The following PKHD1 variants were observed in gnomAD, a reference collection of about 807,000 sequenced individuals.
PKHD1 encodes PKHD1 ciliary IPT domain containing fibrocystin/polyductin, also known as fibrocystin.
In PKHD1, 291 loss-of-function variants were observed where a neutral mutation model predicts 412.0. That is an observed-to-expected ratio of 0.71 (90% CI 0.64 to 0.78). The LOEUF is 0.78. Ranked by LOEUF, PKHD1 falls within the 30% of genes least tolerant of loss-of-function variation. PKHD1 has a pLI of 0.00. For synonymous variants in PKHD1, 1,777 were observed against 1,821.5 expected, an observed-to-expected ratio of 0.98 and a Z score of 0.62; for missense variants, 4,825 against 4,950.7, an observed-to-expected ratio of 0.97 and a Z score of 0.76.
chr6:52,076,062 G>T (rs1035686524), intron 6 of PKHD1, among the ~76,000 whole-genome samples: 1 of 151,986 alleles, frequency 6.6e-6, no homozygotes, highest in African/African-American at 2.4e-5. Context: ...TTCATGTTTG[G>T]ATTCCTTTTG....
At chr6:52,076,166 T>C (rs929746413) in intron 6 of PKHD1, 110 bp downstream of exon 6, 1 of 766,822 alleles carries the variant, frequency 1.3e-6, no homozygotes, top group East Asian at 2.6e-5. Flanking sequence ...CAAAACAGCA[T>C]CAAAGAAGAA....
chr6:51,746,811 CT>C lies in PKHD1; in HGVS notation c.9907del (p.Ser3303ValfsTer7), dbSNP rs1785247939. On this transcript the variant is annotated frameshift_variant, in exon 59 of 67. Transcript: ENST00000371117. LOFTEE classifies it high-confidence loss of function. The stretch of plus-strand genomic sequence containing the variant: ...TGCTGTTATTGGGTGCATAATTCCA[CT>C]GTTCTCTGCATTTGGTAGAATGCAG... ...DVCILPNAEN[S>X]GIMHPITAER... 1 of 1,610,050 alleles carries C rather than the reference CT, an allele frequency of 6.2e-7. No homozygotes were observed. Among genetic ancestry groups the C allele is most frequent in the African/African-American group, 1.3e-5 (1 of 74,848 alleles).
intron 34 of PKHD1, among the ~76,000 whole-genome samples, chr6:52,013,625 A>T (rs1216023320): frequency 1.3e-5 from 2 of 152,138 alleles, no homozygotes; most frequent in Non-Finnish European, 2.9e-5. Flanking sequence ...CAGAGAGATC[A>T]ATATATGTAC....
intron 50 of PKHD1, among the ~76,000 whole-genome samples, chr6:51,842,488 T>A (rs1355609005): frequency 6.6e-6 from 1 of 152,198 alleles, no homozygotes; most frequent in Non-Finnish European, 1.5e-5. Flanking sequence ...AAGAAGGCTG[T>A]GTGCGAGCAG....
In PKHD1 at chr6:52,054,832, C is replaced by T. The variant is rs144535798; in HGVS notation, c.1837-667G>A. Among the ~76,000 whole-genome samples the T allele has an allele frequency of 4.9e-3, 751 of 152,236 alleles. 5 individuals carry two copies. Among genetic ancestry groups the T allele is most frequent in the Middle Eastern group, 0.034 (10 of 294 alleles). ...GGGGGGCAAAATCACCTCCACTGGG[C>T]GCCCCTGCAGAAGAGATGAGGCTGA... On this transcript the variant is annotated intron_variant, in intron 19 of 66. Coordinates refer to ENST00000371117, the MANE Select transcript of PKHD1 (RefSeq NM_138694.4).
intron 54 of PKHD1, among the ~76,000 whole-genome samples, chr6:51,773,803 T>A (rs9370052): frequency 0.66 from 84,492 of 128,758 alleles, 24,917 homozygotes; most frequent in East Asian, 0.85. Context: ...AAAAAAAAAA[T>A]AATCCCAATT....
chr6:51,966,125 T>G (rs906586137), intron 35 of PKHD1, among the ~76,000 whole-genome samples: 2 of 152,158 alleles, frequency 1.3e-5, no homozygotes, highest in African/African-American at 4.8e-5. Context: ...TTAGAAAGTT[T>G]ATTTTGCCAA....
chr6:51,805,606 A>C (rs2151357293), intron 52 of PKHD1, among the ~76,000 whole-genome samples: 1 of 152,304 alleles, frequency 6.6e-6, no homozygotes, highest in Middle Eastern at 3.4e-3. Flanking sequence ...TGGAGGAGAG[A>C]GGTAAGAGGC....
At chr6:51,827,300 C>A (rs1767471754) in intron 52 of PKHD1, among the ~76,000 whole-genome samples, 1 of 152,128 alleles carries the variant, frequency 6.6e-6, no homozygotes. Context: ...TGATACATTA[C>A]AAATCACAGC....
chr6:52,063,607 C>T (rs561627631), intron 13 of PKHD1, among the ~76,000 whole-genome samples: 43 of 152,280 alleles, frequency 2.8e-4, no homozygotes, highest in Non-Finnish European at 4.4e-4. Context: ...TCCACCCCAG[C>T]ACTATTGATA....
chr6:52,025,107 T>G lies in PKHD1; in HGVS notation c.4703A>C (p.His1568Pro). 1.2e-6 allele frequency: 2 copies of G among 1,614,136 alleles called. No individual in the cohort carries two copies. The highest frequency in any genetic ancestry group is 1.7e-6 in the Non-Finnish European group (2 of 1,179,982). The part of the protein sequence containing the change: ...GYACSGNVSR[H>P]FYIMPQVFHY... ...AAACACTTGGGGCATAATGTAGAAG[T>G]GTCTGGAAACATTACCAGAACAAGC... Residue 1568 changes from histidine to proline, a missense_variant, in exon 32 of 67, where the codon CAC (histidine) becomes CCC (proline). By Grantham distance (77) the His-to-Pro change is moderately conservative. Coordinates refer to ENST00000371117, the MANE Select transcript of PKHD1 (RefSeq NM_138694.4).
chr6:51,655,479 C>T (rs1366247886), intron 61 of PKHD1, among the ~76,000 whole-genome samples: 1 of 152,094 alleles, frequency 6.6e-6, no homozygotes. Flanking sequence ...ATACACATTG[C>T]ACACACCCAG....
intron 41 of PKHD1, among the ~76,000 whole-genome samples, chr6:51,904,314 A>G (rs773179962): frequency 6.6e-6 from 1 of 152,156 alleles, no homozygotes; most frequent in African/African-American, 2.4e-5. Flanking sequence ...TAAGTGCCAC[A>G]TATCCTGTGT....
At chr6:51,805,860 T>C (rs1009368122) in intron 52 of PKHD1, among the ~76,000 whole-genome samples, 1 of 152,162 alleles carries the variant, frequency 6.6e-6, no homozygotes, top group Admixed American at 6.6e-5. Flanking sequence ...GGTGTATATG[T>C]GCCACATTTT....
chr6:51,720,671 A>G (rs1781796776), intron 60 of PKHD1, among the ~76,000 whole-genome samples: 1 of 151,756 alleles, frequency 6.6e-6, no homozygotes, highest in Admixed American at 6.6e-5. Flanking sequence ...TTTTCATTAT[A>G]TAGCATTTAT....
intron 35 of PKHD1, among the ~76,000 whole-genome samples, chr6:51,981,308 A>ACCTACCCCTACCTCT (rs1562045673): frequency 7.0e-5 from 1 of 14,304 alleles, no homozygotes; most frequent in African/African-American, 1.2e-4. Flanking sequence ...TCCAAAGCTC[A>ACCTACCCCTACCTCT]AGCTCTCCCT....
In PKHD1 at chr6:52,083,251, A is replaced by G; in HGVS notation, c.57T>C (p.Arg19=). The change falls in exon 3 of 67, where the codon CGT becomes CGC. Residue 19 remains arginine (R), a synonymous_variant. Coordinates refer to ENST00000371117, the MANE Select transcript of PKHD1 (RefSeq NM_138694.4). ...CAGGTTCAATATGTAAACTCAGGTGACGTACTGTAAGTAAGTGAAAAAAAA... is the reference window on the plus strand; with the variant it reads ...CAGGTTCAATATGTAAACTCAGGTGGCGTACTGTAAGTAAGTGAAAAAAAA... The part of the protein sequence containing the change: ...MSIEVLLLAV[R]HLSLHIEPEE... The G allele has an allele frequency of 6.2e-7, 1 of 1,600,318 alleles. No homozygotes were observed. The highest frequency in any genetic ancestry group is 8.6e-7 in the Non-Finnish European group (1 of 1,167,390).
chr6:51,675,212 C>G (rs541751259), intron 60 of PKHD1, among the ~76,000 whole-genome samples: 1 of 152,144 alleles, frequency 6.6e-6, no homozygotes, highest in African/African-American at 2.4e-5. Flanking sequence ...GACTTCAGAG[C>G]TCAATCCTCA....
intron 35 of PKHD1, among the ~76,000 whole-genome samples, chr6:52,009,502 G>A (rs907713838): frequency 6.6e-6 from 1 of 152,122 alleles, no homozygotes; most frequent in Admixed American, 6.5e-5. Flanking sequence ...CCAAATAAAA[G>A]AGACAAAAAG....
Sources: allele counts gnomAD v4.1 joint callset (sites outside exome capture counted in the v4.1 genomes callset), GRCh38; gene constraint gnomAD v4.1.1; transcripts MANE v1.5; gene names NCBI Gene and HGNC (gene_info 2026-07-23, HGNC 2026-07-21).